Variants in AKNA observed in about 807,000 individuals in gnomAD.
The protein encoded by AKNA is microtubule organization protein AKNA.
AKNA carries 67 observed loss-of-function variants against 138.8 expected under a neutral mutation model. The observed-to-expected ratio is 0.48, with a 90% CI of 0.40 to 0.59. The LOEUF (loss-of-function observed/expected upper bound fraction) is 0.59, where lower values mean the gene tolerates loss of function less well. AKNA is among the 20% of genes least tolerant of loss of function. AKNA has a pLI of 0.00. For synonymous variants in AKNA, 737 were observed against 754.4 expected, an observed-to-expected ratio of 0.98 and a Z score of 0.38; for missense variants, 1,813 against 1,880.4, an observed-to-expected ratio of 0.96 and a Z score of 0.66.
At chr9:114,368,352 C>T (rs1832522006) in intron 5 of AKNA, 87 bp downstream of exon 5, 2 of 1,289,620 alleles carry the variant, frequency 1.6e-6, no homozygotes, top group Non-Finnish European at 2.0e-6. Context: ...GAGGCCAGCG[C>T]CATCCCCAGG....
At chr9:114,351,760 G>A (rs914199870) in intron 14 of AKNA, among the ~76,000 whole-genome samples, 1 of 152,112 alleles carries the variant, frequency 6.6e-6, no homozygotes, top group Non-Finnish European at 1.5e-5. Flanking sequence ...GGGCCAGGGA[G>A]GACAAGGCTG....
chr9:114,331,804 A>T, downstream of AKNA: 2 of 1,610,246 alleles, frequency 1.2e-6, no homozygotes, highest in South Asian at 2.2e-5. Flanking sequence ...GTCCCCAGTC[A>T]GTCTCCTTGC....
At chr9:114,360,101 T>C in intron 9 of AKNA, 39 bp from the exon 10 acceptor site, 14 of 1,613,424 alleles carry the variant, frequency 8.7e-6, no homozygotes, top group Non-Finnish European at 1.0e-5. Flanking sequence ...ATTCAGCAGA[T>C]AGTTAAACAC....
At chr9:114,360,573 A>G (rs1051053300) in intron 9 of AKNA, among the ~76,000 whole-genome samples, 1 of 152,130 alleles carries the variant, frequency 6.6e-6, no homozygotes, top group Non-Finnish European at 1.5e-5. Context: ...CACCTGGTAG[A>G]GTTTTCCTAC....
At chr9:114,390,033 C>T (rs1004682980), upstream of AKNA, among the ~76,000 whole-genome samples, 1 of 152,136 alleles carries the variant, frequency 6.6e-6, no homozygotes, top group African/African-American at 2.4e-5. Context: ...GGCGGGCTCC[C>T]CTGACACCCT....
chr9:114,347,624 C>T, intron 16 of AKNA, 100 bp downstream of exon 16: 1 of 1,217,590 alleles, frequency 8.2e-7, no homozygotes, highest in South Asian at 1.7e-5. Context: ...AGGGATGTGG[C>T]AGTGCCTGAG....
At chr9:114,330,994 C>G (rs1588925430), downstream of AKNA, 11 of 692,074 alleles carry the variant, frequency 1.6e-5, no homozygotes, top group East Asian at 1.1e-4. Context: ...GAGCTCTTAC[C>G]ACGTGCTCAG....
chr9:114,381,746 C>T (rs911506656), intron 1 of AKNA, among the ~76,000 whole-genome samples: 2 of 149,206 alleles, frequency 1.3e-5, no homozygotes, highest in South Asian at 2.1e-4. Context: ...CTGCAACCTC[C>T]GTCTCCCAGG....
upstream of AKNA, among the ~76,000 whole-genome samples, chr9:114,394,635 G>T (rs986497349): frequency 2.0e-5 from 3 of 152,218 alleles, no homozygotes; most frequent in African/African-American, 7.2e-5. Flanking sequence ...GCATTTGGAG[G>T]CATGGCATGT....
intron 14 of AKNA, among the ~76,000 whole-genome samples, chr9:114,355,564 A>G (rs1452472884): frequency 2.0e-5 from 3 of 152,226 alleles, no homozygotes; most frequent in African/African-American, 7.2e-5. Flanking sequence ...TTGCTCTGCA[A>G]TGACTGCAAC....
chr9:114,341,358 G>A (rs907325225), intron 21 of AKNA, among the ~76,000 whole-genome samples, 175 bp downstream of exon 21: 1 of 152,182 alleles, frequency 6.6e-6, no homozygotes, highest in Non-Finnish European at 1.5e-5. Flanking sequence ...GCCTATATGA[G>A]TGTTGGCTTT....
At chr9:114,360,987 C>A (rs1465319761) in intron 9 of AKNA, among the ~76,000 whole-genome samples, 2 of 152,172 alleles carry the variant, frequency 1.3e-5, no homozygotes, top group Non-Finnish European at 2.9e-5. Context: ...CACGGCCACT[C>A]CAAGTCCACT....
At chr9:114,333,992 A>C (rs1420176384), downstream of AKNA, among the ~76,000 whole-genome samples, 1 of 111,750 alleles carries the variant, frequency 8.9e-6, no homozygotes, top group African/African-American at 3.4e-5. Context: ...TCATTGTTTA[A>C]AAGTGTGTAG....
In AKNA at chr9:114,350,926, C is replaced by A. The variant is rs758629343; in HGVS notation, c.3154G>T (p.Ala1052Ser). 1.9e-6 allele frequency: 3 copies of A among 1,542,448 alleles called. No homozygotes were observed. The highest frequency in any genetic ancestry group is 8.8e-7 in the Non-Finnish European group (1 of 1,132,024). The change falls in exon 15 of 22, where the codon GCT (alanine) becomes TCT (serine). Residue 1052 changes from alanine to serine, a missense_variant. Physicochemically the swap from Ala to Ser is moderately conservative, Grantham distance 99 (BLOSUM62 1). Transcript: ENST00000374088. ...GTTGGTCCACAGGGTAGAGGCGCAG[C>A]GGCAGGGGCGGGGGCTGGGGGTGGG... is the stretch of plus-strand genomic sequence containing the variant. ...ISPPPAPAPA[A>S]APLPCGPTET...
In AKNA at chr9:114,376,585, G is replaced by A. The variant is rs1355937078; in HGVS notation, c.1222C>T (p.Leu408=). 6.2e-7 allele frequency: 1 copy of A among 1,614,024 alleles called. No individual in the cohort carries two copies. The highest frequency in any genetic ancestry group is 1.3e-5 in the African/African-American group (1 of 74,910). Residue 408 remains leucine (L), a synonymous_variant, in exon 3 of 22, where the codon CTG becomes TTG. Transcript: ENST00000374088. The part of the protein sequence containing the change: ...KSPAEIVQEV[L]LSSGEAALAK... ...AGGGCTGCTTCTCCACTGCTCAACA[G>A]CACCTCCTGCACAATCTCAGCTGGA...
At chr9:114,354,392 C>T (rs910028024) in intron 14 of AKNA, among the ~76,000 whole-genome samples, 3 of 152,116 alleles carry the variant, frequency 2.0e-5, no homozygotes, top group Admixed American at 6.5e-5. Context: ...GAATACCTCT[C>T]GAAGGACTAC....
intron 1 of AKNA, chr9:114,383,158 G>A (rs1386102826): frequency 2.2e-6 from 1 of 456,014 alleles, no homozygotes; most frequent in Non-Finnish European, 4.4e-6. Flanking sequence ...GTTCCCCTTG[G>A]GCTGCTCTGG....
intron 4 of AKNA, among the ~76,000 whole-genome samples, chr9:114,372,398 T>A (rs1589006736): frequency 6.6e-6 from 1 of 151,990 alleles, no homozygotes; most frequent in African/African-American, 2.4e-5. Flanking sequence ...CCAGCTGTGC[T>A]CCCCCGTGTC....
chr9:114,368,461 G>A lies in AKNA; in HGVS notation c.1551C>T (p.Asp517=), dbSNP rs755998299. 1.5e-6 allele frequency: 2 copies of A among 1,331,198 alleles called. No homozygotes were observed. Among genetic ancestry groups the A allele is most frequent in the South Asian group, 2.6e-5 (1 of 38,118 alleles). 82.5% of individuals were successfully genotyped at this position (1,331,198 alleles called of 1,614,324 possible). A position where few individuals can be genotyped will look rare whatever the true frequency, so the allele number is the denominator to read the frequency against. The part of the protein sequence containing the change: ...SAEWWPGPAE[D]PQASAASGWP... ...CACCTGAGGCCGCAGAGGCCTGGGG[G>A]TCCTCGGCCGGGCCCGGCCACCACT... is the stretch of plus-strand genomic sequence containing the variant. The change falls in exon 5 of 22, where the codon GAC becomes GAT. Residue 517 remains aspartate, a synonymous_variant. Transcript: ENST00000374088.
Sources: allele counts gnomAD v4.1 joint callset (sites outside exome capture counted in the v4.1 genomes callset), GRCh38; gene constraint gnomAD v4.1.1; transcripts MANE v1.5; gene names NCBI Gene and HGNC (gene_info 2026-07-23, HGNC 2026-07-21).